The following CPNE5 variants were observed in gnomAD, a reference collection of about 807,000 sequenced individuals.
The protein encoded by CPNE5 is copine-5.
A neutral mutation model predicts 81.1 loss-of-function variants in CPNE5; 42 were observed. That is an observed-to-expected ratio of 0.52 (90% CI 0.40 to 0.67). The LOEUF is 0.67. Ranked by LOEUF, CPNE5 falls within the 30% of genes least tolerant of loss-of-function variation. The pLI is 0.00. For missense variants in CPNE5, 612 were observed against 815.5 expected, an observed-to-expected ratio of 0.75 and a Z score of 3.04; for synonymous variants, 313 against 321.5, an observed-to-expected ratio of 0.97 and a Z score of 0.28.
intron 2 of CPNE5, among the ~76,000 whole-genome samples, chr6:36,822,649 A>G (rs1008423804): frequency 1.1e-4 from 16 of 152,122 alleles, no homozygotes; most frequent in African/African-American, 3.6e-4. Context: ...CACTTTACAG[A>G]TGGGAAAACA....
At chr6:36,839,866 G>A (rs1398055627), upstream of CPNE5, 2 of 151,206 alleles carry the variant, frequency 1.3e-5, no homozygotes, top group Non-Finnish European at 3.0e-5. The surrounding 1 kb of genome is among the most constrained non-coding windows in gnomAD (Gnocchi z 7.3). Context: ...CGCGGAGCCC[G>A]AGCGCCCGGG....
At chr6:36,767,492 G>A (rs1766664270) in intron 10 of CPNE5, among the ~76,000 whole-genome samples, 1 of 152,202 alleles carries the variant, frequency 6.6e-6, no homozygotes, top group South Asian at 2.1e-4. Context: ...CAGGACTTCG[G>A]TCATGGCCCC....
intron 4 of CPNE5, among the ~76,000 whole-genome samples, chr6:36,798,862 T>TTC (rs1769842372): frequency 6.6e-6 from 1 of 152,062 alleles, no homozygotes; most frequent in Non-Finnish European, 1.5e-5. Context: ...ACTTACAGAG[T>TTC]TCTCCATCTT....
intron 10 of CPNE5, among the ~76,000 whole-genome samples, chr6:36,767,148 G>T (rs765152657): frequency 6.6e-6 from 1 of 152,206 alleles, no homozygotes; most frequent in Non-Finnish European, 1.5e-5. Flanking sequence ...GAGCCACGGC[G>T]CCCGGCCTCT....
intron 1 of CPNE5, among the ~76,000 whole-genome samples, chr6:36,831,946 G>A (rs1189556448): frequency 1.3e-5 from 2 of 152,196 alleles, no homozygotes; most frequent in Non-Finnish European, 2.9e-5. Context: ...CTGACTTTCA[G>A]TGTCCTGGCC....
At chr6:36,821,655 A>G (rs1772062882) in intron 3 of CPNE5, among the ~76,000 whole-genome samples, 1 of 152,114 alleles carries the variant, frequency 6.6e-6, no homozygotes, top group African/African-American at 2.4e-5. Flanking sequence ...TGGGTTTTGG[A>G]GCCGGGACTT....
At chr6:36,743,045 T>A in intron 20 of CPNE5, 1 of 985,416 alleles carries the variant, frequency 1.0e-6, no homozygotes, top group Non-Finnish European at 1.2e-6. Context: ...GTTGTCTTGC[T>A]CTGGTTTCCA....
intron 15 of CPNE5, among the ~76,000 whole-genome samples, chr6:36,747,411 C>G (rs890421391): frequency 2.0e-5 from 3 of 152,222 alleles, no homozygotes; most frequent in Admixed American, 1.3e-4. Flanking sequence ...GCCTTAGTCT[C>G]TTCACCTGTA....
In CPNE5 at chr6:36,760,710, C is replaced by T. The variant is rs536100219; in HGVS notation, c.855+2207G>A. Among the ~76,000 whole-genome samples the T allele has an allele frequency of 6.6e-5, 10 of 152,222 alleles. No individual in the cohort carries two copies. The South Asian group carries it at 1.7e-3, about 25-fold the overall frequency. ...AGATGAAGCCGGCTCGCCAGGAGGA[C>T]GGGAGTGCTGTGGGAGGTTTAGCTA... On this transcript the variant is annotated intron_variant, in intron 12 of 20. Coordinates refer to ENST00000244751, the MANE Select transcript of CPNE5 (RefSeq NM_020939.2).
intron 12 of CPNE5, among the ~76,000 whole-genome samples, chr6:36,762,261 T>C (rs1345111889): frequency 6.2e-5 from 9 of 145,530 alleles, no homozygotes; most frequent in Non-Finnish European, 1.3e-4. Flanking sequence ...AACACACACA[T>C]GCACACGCAT....
In CPNE5 at chr6:36,744,247, G is replaced by T. The variant is rs200489578; in HGVS notation, c.1489+21C>A. ...GCGTGGCTAGGGAAGGAAAGGAGGG[G>T]AAGGCAGCAGCTGGACTCACCGTCG... On this transcript the variant is annotated intron_variant, in intron 19 of 20. Transcript: ENST00000244751. The T allele has an allele frequency of 5.6e-5, 88 of 1,566,180 alleles. No homozygotes were observed. In the African/African-American group the frequency reaches 1.1e-3, roughly 19 times the overall value.
intron 4 of CPNE5, 112 bp from the exon 5 acceptor site, chr6:36,798,606 C>A: frequency 1.2e-6 from 1 of 860,628 alleles, no homozygotes; most frequent in South Asian, 1.4e-5. Flanking sequence ...GGTCCCAACA[C>A]AGTGAATATT....
At chr6:36,756,436 G>T (rs1476711152) in intron 12 of CPNE5, 138 bp from the exon 13 acceptor site, 4 of 677,862 alleles carry the variant, frequency 5.9e-6, no homozygotes, top group Non-Finnish European at 1.0e-5. Flanking sequence ...GGGGCCAGGG[G>T]AGAAGGGTTT....
chr6:36,782,568 GC>G (rs1236457380), intron 8 of CPNE5, among the ~76,000 whole-genome samples: 2 of 152,066 alleles, frequency 1.3e-5, no homozygotes, highest in Non-Finnish European at 2.9e-5. Context: ...ACTCTGGGGG[GC>G]CGAGGTGGTG....
rs570230928 is a variant in CPNE5 at position 36,816,982 on chromosome 6, C to T, written c.183+5132G>A. Among the ~76,000 whole-genome samples, 13 of 152,270 alleles carry T rather than the reference C, an allele frequency of 8.5e-5. No individual in the cohort carries two copies. In the South Asian group the frequency reaches 2.3e-3, roughly 27 times the overall value. On this transcript the variant is annotated intron_variant, in intron 3 of 20. Transcript: ENST00000244751. ...TCAGTAGGGACGGGTCTTGCCAAGT[C>T]GGCTAAGCTATCCCCAGTATGTTTA...
intron 8 of CPNE5, among the ~76,000 whole-genome samples, chr6:36,780,051 G>T (rs543399922): frequency 6.6e-6 from 1 of 150,538 alleles, no homozygotes; most frequent in Non-Finnish European, 1.5e-5. Context: ...TGCAAGCTCC[G>T]CCTCCCAGGT....
At chr6:36,776,924 G>A (rs1372020799) in intron 9 of CPNE5, among the ~76,000 whole-genome samples, 1 of 152,186 alleles carries the variant, frequency 6.6e-6, no homozygotes. Context: ...GTTCTCACCA[G>A]CGCAGCCATC....
intron 3 of CPNE5, among the ~76,000 whole-genome samples, chr6:36,814,119 C>T (rs1188618494): frequency 6.6e-6 from 1 of 152,176 alleles, no homozygotes; most frequent in Non-Finnish European, 1.5e-5. Context: ...GACTGTTATT[C>T]ATGATGTCTT....
Position 36,742,183 on chromosome 6 carries a change from G to C in CPNE5, c.*85C>G. The stretch of plus-strand genomic sequence containing the variant: ...ACACAGATGTCCCAAAGGCCGGGCA[G>C]GCCAACTTCGGGGAGTCTGGGGCCC... On this transcript the variant is annotated 3_prime_UTR_variant, in exon 21 of 21. Coordinates refer to ENST00000244751, the MANE Select transcript of CPNE5 (RefSeq NM_020939.2). 8.8e-7 allele frequency: 1 copy of C among 1,130,948 alleles called. No homozygotes were observed. The highest frequency in any genetic ancestry group is 1.2e-6 in the Non-Finnish European group (1 of 802,576). 70.1% of individuals were successfully genotyped at this position (1,130,948 alleles called of 1,614,324 possible).
Sources: allele counts gnomAD v4.1 joint callset (sites outside exome capture counted in the v4.1 genomes callset), GRCh38; gene constraint gnomAD v4.1.1; non-coding constraint Gnocchi (gnomAD v3.1); transcripts MANE v1.5; gene names NCBI Gene and HGNC (gene_info 2026-07-23, HGNC 2026-07-21).